Variants in ODC1 observed in about 807,000 individuals in gnomAD.
The protein encoded by ODC1 is ornithine decarboxylase 1.
A neutral mutation model predicts 41.5 loss-of-function variants in ODC1; 18 were observed. The ratio of observed to expected loss-of-function variants is 0.43; its 90% confidence interval spans 0.30 to 0.64. The LOEUF (loss-of-function observed/expected upper bound fraction) is 0.64. Among genes scored for constraint, ODC1 ranks in the 30% least tolerant of loss-of-function variants. ODC1 has a pLI of 0.11. For synonymous variants in ODC1, 218 were observed against 211.6 expected (o/e 1.03, Z -0.26); for missense variants, 504 against 589.0 (o/e 0.86, Z 1.49).
intron 8 of ODC1, among the ~76,000 whole-genome samples, chr2:10,442,792 C>T (rs1431469596): frequency 3.3e-5 from 5 of 152,054 alleles, no homozygotes; most frequent in African/African-American, 1.2e-4. Flanking sequence ...CTCACTGCAG[C>T]CTCAACCTCC....
rs751540790 is a variant in ODC1, at chr2:10,443,480, G to A, written c.666+10C>T. On this transcript the variant is annotated intron_variant, in intron 7 of 11. Coordinates refer to ENST00000234111, the MANE Select transcript of ODC1 (RefSeq NM_002539.3). ...TCCCGCCCTTCCCTAACAGGGTCAC[G>A]TATACTCACCCCCATGTCAAAAACA... The A allele has an allele frequency of 5.6e-6, 9 of 1,612,438 alleles. No individual in the cohort carries two copies. Among genetic ancestry groups the A allele is most frequent in the South Asian group, 1.1e-5 (1 of 91,046 alleles).
chr2:10,443,391 T>C, intron 7 of ODC1, 78 bp from the exon 8 acceptor site: 1 of 1,552,846 alleles, frequency 6.4e-7, no homozygotes, highest in Non-Finnish European at 8.9e-7. Context: ...GAAACCCATG[T>C]AATACAGAAC....
intron 1 of ODC1, 42 bp from the exon 2 acceptor site, chr2:10,445,306 A>G (rs944387418): frequency 1.4e-5 from 5 of 363,646 alleles, no homozygotes; most frequent in Non-Finnish European, 1.6e-5. Context: ...CCTTAGGAAC[A>G]CATCGAGTTG....
chr2:10,444,864 C>A (rs1671955883), intron 3 of ODC1, 67 bp downstream of exon 3: 1 of 1,195,458 alleles, frequency 8.4e-7, no homozygotes. Flanking sequence ...TTCCTTAGAC[C>A]TTGCCAAAGT....
Position 10,444,524 on chromosome 2 carries a change from T to C in ODC1, c.226A>G (p.Ile76Val). The C allele has an allele frequency of 6.2e-7, 1 of 1,614,020 alleles. No individual in the cohort carries two copies. Among genetic ancestry groups the C allele is most frequent in the Non-Finnish European group, 8.5e-7 (1 of 1,179,998 alleles). The change falls in exon 4 of 12, where the codon ATC (isoleucine) becomes GTC (valine). Residue 76 changes from isoleucine (I) to valine (V), a missense_variant. Physicochemically the swap from Ile to Val is conservative, Grantham distance 29 (BLOSUM62 3). Around this residue, in one of 3 missense-constraint regions of ODC1, gnomAD observed 447 missense variants for 524.4 expected, o/e 0.85. Coordinates refer to ENST00000234111, the MANE Select transcript of ODC1 (RefSeq NM_002539.3). ...CCGGTAGCAGCAAGGGTCTTCACGA[T>C]GGCTTTGCTATCATTACATTTGACT... ...YAVKCNDSKAIVKTLAATGTG... is the reference protein window; with the variant it reads ...YAVKCNDSKAVVKTLAATGTG...
chr2:10,445,071 A>G (rs768444233), intron 2 of ODC1, 22 bp from the exon 3 acceptor site: 1 of 1,290,732 alleles, frequency 7.7e-7, no homozygotes, highest in East Asian at 2.3e-5. Context: ...CAAAATGCAA[A>G]TAGAGTGGAG....
At chr2:10,447,761 C>T (rs1672077241) in intron 1 of ODC1, 1 of 152,360 alleles carries the variant, frequency 6.6e-6, no homozygotes, top group African/African-American at 2.4e-5. Flanking sequence ...CGCCCCTGCA[C>T]CTGCTGCGCG....
intron 1 of ODC1, among the ~76,000 whole-genome samples, chr2:10,445,744 TC>T (rs1671992406): frequency 6.6e-6 from 1 of 152,182 alleles, no homozygotes; most frequent in African/African-American, 2.4e-5. Context: ...CAAGCGATTC[TC>T]CTGCCTCAGC....
rs1671791234 is a variant in ODC1 at position 10,440,666 on chromosome 2, TC to T, written c.*57del. On this transcript the variant is annotated 3_prime_UTR_variant, in exon 12 of 12. Coordinates refer to ENST00000234111, the MANE Select transcript of ODC1 (RefSeq NM_002539.3). ...AACTAGCAGTAATTAAGTTACATGGTCCCCCCAAATCCCTTAATTCAAGCTA... is the reference window on the plus strand; with the variant it reads ...AACTAGCAGTAATTAAGTTACATGGTCCCCCAAATCCCTTAATTCAAGCTA... The T allele has an allele frequency of 3.2e-6, 5 of 1,544,880 alleles. No homozygotes were observed. The highest frequency in any genetic ancestry group is 2.3e-5 in the East Asian group (1 of 43,734).
Position 10,442,181 on chromosome 2 carries a change from G to T in ODC1, c.751-7C>A, listed in dbSNP as rs28362406. The T allele has an allele frequency of 5.8e-3, 9,160 of 1,586,804 alleles. 474 individuals carry two copies. In the African/African-American group the frequency reaches 0.11, roughly 19 times the overall value. Reference sequence around the variant, plus strand: ...GGTTGATTACGCCGGTGATCTAAGAGAGTGAAACAGAAAAGAAAGAGCAGC... The same window carrying T: ...GGTTGATTACGCCGGTGATCTAAGATAGTGAAACAGAAAAGAAAGAGCAGC... On this transcript the variant is annotated splice_polypyrimidine_tract_variant and splice_region_variant and intron_variant, in intron 8 of 11. Coordinates refer to ENST00000234111, the MANE Select transcript of ODC1 (RefSeq NM_002539.3).
intron 1 of ODC1, among the ~76,000 whole-genome samples, chr2:10,447,288 G>A (rs1672055787): frequency 6.6e-6 from 1 of 151,948 alleles, no homozygotes; most frequent in Admixed American, 6.5e-5. Context: ...GAAGAGATAG[G>A]GGCTAATTCA....
chr2:10,444,446 G>T, intron 4 of ODC1, 28 bp downstream of exon 4: 1 of 1,577,880 alleles, frequency 6.3e-7, no homozygotes, highest in Non-Finnish European at 8.6e-7. Context: ...TTTATACAAC[G>T]CTTTTGAGGC....
intron 1 of ODC1, chr2:10,447,561 C>T (rs888930679): frequency 6.6e-6 from 1 of 152,288 alleles, no homozygotes; most frequent in Non-Finnish European, 1.5e-5. Flanking sequence ...TAAATAAACA[C>T]CTCTAAGTCA....
Position 10,441,570 on chromosome 2 carries a change from C to A in ODC1, c.1180G>T (p.Ala394Ser), listed in dbSNP as rs1558548376. ...ENMGAYTVAA[A>S]STFNGFQRPT... ...CTCTGGAAGCCATTGAACGTAGAGGCAGCAGCAACAGTGTAAGCGCCCATG... is the reference window on the plus strand; with the variant it reads ...CTCTGGAAGCCATTGAACGTAGAGGAAGCAGCAACAGTGTAAGCGCCCATG... The change falls in exon 11 of 12, where the codon GCC (alanine) becomes TCC (serine). Residue 394 changes from alanine (A) to serine (S), a missense_variant. By Grantham distance (99) the Ala-to-Ser change is moderately conservative. Coordinates refer to ENST00000234111, the MANE Select transcript of ODC1 (RefSeq NM_002539.3). 10 of 1,614,222 alleles carry A rather than the reference C, an allele frequency of 6.2e-6. No homozygotes were observed. The highest frequency in any genetic ancestry group is 8.5e-6 in the Non-Finnish European group (10 of 1,180,050).
At position 10,441,435 on chromosome 2, in the gene ODC1, C is replaced by T. The variant is rs940575351; in HGVS notation, c.1241+74G>A. The stretch of plus-strand genomic sequence containing the variant: ...ATCTTAGGCAAGACAATTTCTTATT[C>T]GTCTAGACAAGAAGCACACATCCAA... On this transcript the variant is annotated intron_variant, in intron 11 of 11. Coordinates refer to ENST00000234111, the MANE Select transcript of ODC1 (RefSeq NM_002539.3). 8.2e-5 allele frequency: 116 copies of T among 1,422,966 alleles called. 1 individual carries two copies. Among genetic ancestry groups the T allele is most frequent in the Admixed American group, 5.0e-4 (23 of 46,450 alleles). 88.1% of individuals were successfully genotyped at this position (1,422,966 alleles called of 1,614,324 possible). A position where few individuals can be genotyped will look rare whatever the true frequency, so the allele number is the denominator to read the frequency against.
rs1212922171 is a variant in ODC1, at chr2:10,441,735, G to A, written c.1027-12C>T. ...TCTGGTTTAGGTCTCTATATAAAGA[G>A]ACGGAGAGAGGAAGTACTACTTAAT... On this transcript the variant is annotated splice_polypyrimidine_tract_variant and intron_variant, in intron 10 of 11. Transcript: ENST00000234111. 1 of 1,613,668 alleles carries A rather than the reference G, an allele frequency of 6.2e-7. No individual in the cohort carries two copies. Among genetic ancestry groups the A allele is most frequent in the Admixed American group, 1.7e-5 (1 of 60,024 alleles).
chr2:10,443,118 C>T (rs989903292), intron 8 of ODC1, 112 bp downstream of exon 8: 10 of 816,806 alleles, frequency 1.2e-5, no homozygotes, highest in Non-Finnish European at 2.1e-5. Context: ...AAATATCACA[C>T]CAAGACACTT....
rs141834302 is a variant in ODC1, at chr2:10,441,657, G to A, written c.1093C>T (p.Arg365Trp). Residue 365 changes from arginine to tryptophan, a missense_variant, in exon 11 of 12, where the codon CGG becomes TGG. Transcript: ENST00000234111. Reference protein sequence around the residue: ...IWGPTCDGLDRIVERCDLPEM... With the variant: ...IWGPTCDGLDWIVERCDLPEM... The stretch of plus-strand genomic sequence containing the variant: ...GGCAGGTCACAGCGCTCAACAATCC[G>A]ATCGAGGCCATCACATGTTGGTCCC... 24 of 1,614,086 alleles carry A rather than the reference G, an allele frequency of 1.5e-5. No homozygotes were observed. The highest frequency in any genetic ancestry group is 8.0e-5 in the African/African-American group (6 of 74,920).
Position 10,440,818 on chromosome 2 carries a change from T to G in ODC1, c.1292A>C (p.Glu431Ala), listed in dbSNP as rs773709137. ...QNPDFPPEVE[E>A]QDASTLPVSC... Reference sequence around the variant, plus strand: ...CACAGGCAGGGTGCTGGCATCCTGTTCCTCTACTTCGGGTGGGAAGTCGGG... The same window carrying G: ...CACAGGCAGGGTGCTGGCATCCTGTGCCTCTACTTCGGGTGGGAAGTCGGG... The change falls in exon 12 of 12, where the codon GAA becomes GCA. Residue 431 changes from glutamate to alanine, a missense_variant. Glu to Ala is a moderately radical substitution (Grantham distance 107, BLOSUM62 -1). Coordinates refer to ENST00000234111, the MANE Select transcript of ODC1 (RefSeq NM_002539.3). The G allele has an allele frequency of 2.0e-5, 32 of 1,614,022 alleles. No individual in the cohort carries two copies.
Sources: allele counts gnomAD v4.1 joint callset (sites outside exome capture counted in the v4.1 genomes callset), GRCh38; gene constraint gnomAD v4.1.1; regional missense constraint gnomAD v4.1.1; transcripts MANE v1.5; gene names NCBI Gene and HGNC (gene_info 2026-07-23, HGNC 2026-07-21).